Variants in SCN10A observed in about 807,000 individuals in gnomAD.
SCN10A encodes sodium channel protein type 10 subunit alpha.
In SCN10A, 162 loss-of-function variants were observed where a neutral mutation model predicts 170.7. That is an observed-to-expected ratio of 0.95 (90% CI 0.84 to 1.08). SCN10A has a LOEUF of 1.08. Among genes scored for constraint, SCN10A ranks in the 50% least tolerant of loss-of-function variants. SCN10A has a pLI of 0.00. For missense variants in SCN10A, 2,527 were observed against 2,436.9 expected, an observed-to-expected ratio of 1.04 and a Z score of -0.78; for synonymous variants, 985 against 904.6, an observed-to-expected ratio of 1.09 and a Z score of -1.59.
intron 1 of SCN10A, among the ~76,000 whole-genome samples, chr3:38,809,567 G>T (rs1020819685): frequency 9.2e-5 from 14 of 152,172 alleles, no homozygotes; most frequent in Admixed American, 8.5e-4. Flanking sequence ...AGATGATGTG[G>T]TGTAGTGGGA....
At chr3:38,728,966 G>T in intron 15 of SCN10A, 65 bp from the exon 16 acceptor site, 1 of 1,524,720 alleles carries the variant, frequency 6.6e-7, no homozygotes, top group African/African-American at 1.4e-5. Flanking sequence ...CTAAAGTTTT[G>T]CCTGGAAACC....
intron 8 of SCN10A, among the ~76,000 whole-genome samples, chr3:38,760,303 G>A (rs2063854279): frequency 6.6e-6 from 1 of 152,198 alleles, no homozygotes; most frequent in African/African-American, 2.4e-5. Flanking sequence ...CCTGTTTGGG[G>A]GTGAGAGGCC....
At chr3:38,713,937 A>T (rs1474567888) in intron 22 of SCN10A, 21 bp downstream of exon 22, 1 of 1,612,188 alleles carries the variant, frequency 6.2e-7, no homozygotes, top group East Asian at 2.2e-5. Context: ...CAGATGAGAG[A>T]AGTTTTGAGA....
At chr3:38,724,673 C>T (rs2063433133) in intron 18 of SCN10A, among the ~76,000 whole-genome samples, 1 of 152,200 alleles carries the variant, frequency 6.6e-6, no homozygotes, top group South Asian at 2.1e-4. Flanking sequence ...GCACCTCCAA[C>T]TCTTATTTGC....
chr3:38,761,412 C>T, intron 6 of SCN10A, 29 bp from the exon 7 acceptor site: 1 of 1,592,980 alleles, frequency 6.3e-7, no homozygotes. Context: ...GGTATGACCA[C>T]ATGGATGAGG....
At chr3:38,763,430 A>T in intron 6 of SCN10A, 75 bp downstream of exon 6, 1 of 1,158,692 alleles carries the variant, frequency 8.6e-7, no homozygotes, top group Non-Finnish European at 1.3e-6. Flanking sequence ...CTGGAACCTT[A>T]CAGGGTTCTT....
At chr3:38,701,094 C>T (rs1375920192) in intron 27 of SCN10A, among the ~76,000 whole-genome samples, 1 of 152,184 alleles carries the variant, frequency 6.6e-6, no homozygotes, top group African/African-American at 2.4e-5. Flanking sequence ...ACCTGCTTGA[C>T]AGGGCTGCTG....
chr3:38,735,042 T>C (rs2063545852), intron 15 of SCN10A, among the ~76,000 whole-genome samples: 1 of 151,550 alleles, frequency 6.6e-6, no homozygotes, highest in Non-Finnish European at 1.5e-5. Context: ...TGGTGGTGGG[T>C]GCCTGTAGTC....
Position 38,752,426 on chromosome 3 carries a change from G to C in SCN10A, c.1548C>G (p.Leu516=). The change falls in exon 12 of 28, where the codon CTC becomes CTG. Residue 516 remains leucine (L), a synonymous_variant. Transcript: ENST00000449082. ...HFRSPGRDIS[L]PEGVTDDGVF... is the part of the protein sequence containing the mutation. ...CTCCATCATCTGTGACTCCCTCAGGGAGTGAGATATCTCGGCCAGGGGACC... is the reference window on the plus strand; with the variant it reads ...CTCCATCATCTGTGACTCCCTCAGGCAGTGAGATATCTCGGCCAGGGGACC... The C allele has an allele frequency of 6.2e-7, 1 of 1,613,530 alleles. No individual in the cohort carries two copies. The highest frequency in any genetic ancestry group is 1.3e-5 in the African/African-American group (1 of 75,036).
At chr3:38,712,648 CCCTTAA>C (rs1236751803) in intron 22 of SCN10A, among the ~76,000 whole-genome samples, 1 of 152,198 alleles carries the variant, frequency 6.6e-6, no homozygotes, top group African/African-American at 2.4e-5. Flanking sequence ...AGACCTTCTT[CCCTTAA>C]CCTCATTCAG....
At chr3:38,731,955 C>A (rs1169775907) in intron 15 of SCN10A, among the ~76,000 whole-genome samples, 1 of 152,236 alleles carries the variant, frequency 6.6e-6, no homozygotes, top group African/African-American at 2.4e-5. Context: ...TTAAGCTTTT[C>A]TTTTCTCAAA....
chr3:38,768,410 A>G (rs990027215), intron 5 of SCN10A, among the ~76,000 whole-genome samples: 1 of 152,058 alleles, frequency 6.6e-6, no homozygotes, highest in Non-Finnish European at 1.5e-5. Context: ...AATTCCTTTT[A>G]GCATTTCTTG....
At chr3:38,749,587 T>C (rs887145847) in intron 13 of SCN10A, among the ~76,000 whole-genome samples, 9 of 152,230 alleles carry the variant, frequency 5.9e-5, no homozygotes, top group Non-Finnish European at 1.3e-4. Context: ...GACTGATTAA[T>C]GGACTTAAAT....
intron 4 of SCN10A, among the ~76,000 whole-genome samples, chr3:38,777,265 C>T (rs1209582199): frequency 6.6e-6 from 1 of 151,882 alleles, no homozygotes; most frequent in Non-Finnish European, 1.5e-5. Context: ...AATAGGAAGT[C>T]CAAGGGAATC....
At chr3:38,738,041 G>T (rs1336705284) in intron 15 of SCN10A, among the ~76,000 whole-genome samples, 1 of 151,596 alleles carries the variant, frequency 6.6e-6, no homozygotes, top group African/African-American at 2.4e-5. Flanking sequence ...CCTGGTCTCA[G>T]GTGATCCTCC....
At chr3:38,766,270 T>C (rs1204249729) in intron 5 of SCN10A, among the ~76,000 whole-genome samples, 2 of 152,164 alleles carry the variant, frequency 1.3e-5, no homozygotes, top group East Asian at 3.9e-4. Context: ...TCCAGTACTA[T>C]GTTGGATAGA....
At chr3:38,777,062 A>G (rs2064084866) in intron 4 of SCN10A, among the ~76,000 whole-genome samples, 1 of 152,116 alleles carries the variant, frequency 6.6e-6, no homozygotes. Context: ...CATAAACATC[A>G]TAATAGTGAA....
intron 21 of SCN10A, among the ~76,000 whole-genome samples, chr3:38,718,392 A>T (rs2063354073): frequency 6.6e-6 from 1 of 152,202 alleles, no homozygotes; most frequent in Admixed American, 6.5e-5. Flanking sequence ...TTGGATGTAA[A>T]AATGCAGAGG....
intron 15 of SCN10A, among the ~76,000 whole-genome samples, chr3:38,730,454 T>G (rs1450038815): frequency 6.6e-6 from 1 of 152,198 alleles, no homozygotes; most frequent in African/African-American, 2.4e-5. Flanking sequence ...AAAAATTGTT[T>G]AAGAGTTGCA....
Sources: gnomAD v4.1 joint callset for allele counts (sites outside exome capture counted in the v4.1 genomes callset) on GRCh38, gnomAD v4.1.1 for gene constraint, MANE v1.5 for transcripts, NCBI Gene and HGNC (gene_info 2026-07-23, HGNC 2026-07-21) for gene names.